SLC35F4: variants seen among roughly 807,000 people sequenced by gnomAD.
SLC35F4 encodes the protein chromosome 14 open reading frame 36.
Under a neutral mutation model 44.2 loss-of-function variants are expected in SLC35F4, and 24 were observed. The observed-to-expected ratio is 0.54, with a 90% CI of 0.39 to 0.76. The LOEUF is 0.76. Among genes scored for constraint, SLC35F4 ranks in the 30% least tolerant of loss-of-function variants. SLC35F4 has a pLI of 0.00. For synonymous variants in SLC35F4, 238 were observed against 223.6 expected (o/e 1.06, Z -0.57); for missense variants, 562 against 586.1 (o/e 0.96, Z 0.42).
At chr14:57,842,995 C>A (rs980608654) in intron 1 of SLC35F4, among the ~76,000 whole-genome samples, 1 of 152,140 alleles carries the variant, frequency 6.6e-6, no homozygotes, top group Admixed American at 6.5e-5. Context: ...TTCCTGCCCT[C>A]GAACATCAGT....
intron 1 of SLC35F4, among the ~76,000 whole-genome samples, chr14:57,728,675 G>A (rs1413205452): frequency 2.0e-5 from 3 of 151,792 alleles, no homozygotes; most frequent in African/African-American, 7.3e-5. Flanking sequence ...GTCTCAGGGG[G>A]AAGTCTCAAA....
downstream of SLC35F4, among the ~76,000 whole-genome samples, chr14:57,972,555 A>AT (rs78755038): frequency 7.9e-5 from 12 of 152,306 alleles, no homozygotes; most frequent in Admixed American, 7.8e-4. Flanking sequence ...AAAAAAAAAA[A>AT]ACCTTAACAT....
chr14:57,900,572 T>C (rs1256341039), intron 1 of SLC35F4, among the ~76,000 whole-genome samples: 2 of 152,186 alleles, frequency 1.3e-5, no homozygotes, highest in African/African-American at 2.4e-5. Context: ...ACATTGAGCT[T>C]CACATTGGTT....
intron 3 of SLC35F4, among the ~76,000 whole-genome samples, chr14:57,583,867 G>C (rs189071518): frequency 6.6e-6 from 1 of 152,254 alleles, no homozygotes; most frequent in South Asian, 2.1e-4. Context: ...GCGAATAACA[G>C]TGGGTTTCTC....
At chr14:57,794,741 G>A (rs983992429) in intron 1 of SLC35F4, among the ~76,000 whole-genome samples, 2 of 151,812 alleles carry the variant, frequency 1.3e-5, no homozygotes, top group African/African-American at 2.4e-5. Flanking sequence ...TGCTTCTTTG[G>A]GTGTGTTCTA....
At chr14:57,904,283 A>G (rs987440655) in intron 1 of SLC35F4, among the ~76,000 whole-genome samples, 9 of 152,210 alleles carry the variant, frequency 5.9e-5, no homozygotes, top group African/African-American at 2.2e-4. Context: ...ACAACAACCA[A>G]AACAACCATA....
chr14:57,661,994 C>T (rs1227638346), intron 1 of SLC35F4, among the ~76,000 whole-genome samples: 1 of 152,154 alleles, frequency 6.6e-6, no homozygotes, highest in Admixed American at 6.6e-5. Context: ...CTGTGGTGAT[C>T]TGCAAAATGT....
chr14:57,975,175 C>A (rs1018644109), downstream of SLC35F4, among the ~76,000 whole-genome samples: 1 of 152,150 alleles, frequency 6.6e-6, no homozygotes, highest in Non-Finnish European at 1.5e-5. Flanking sequence ...TAACACTGAC[C>A]ACTTTTCTTG....
At chr14:57,608,291 T>C (rs750656131) in intron 1 of SLC35F4, among the ~76,000 whole-genome samples, 1 of 152,186 alleles carries the variant, frequency 6.6e-6, no homozygotes, top group Non-Finnish European at 1.5e-5. Flanking sequence ...ATAACACCTT[T>C]ACAGAGGTGA....
At chr14:57,673,791 T>C (rs1457579456) in intron 1 of SLC35F4, among the ~76,000 whole-genome samples, 1 of 151,974 alleles carries the variant, frequency 6.6e-6, no homozygotes, top group Non-Finnish European at 1.5e-5. Context: ...CAGTGAACAA[T>C]AACCATAAAC....
At chr14:57,872,910 A>G (rs1888324348) in intron 1 of SLC35F4, among the ~76,000 whole-genome samples, 1 of 152,144 alleles carries the variant, frequency 6.6e-6, no homozygotes. Context: ...TTAAGATGCC[A>G]ATTTTCCCAG....
At chr14:57,585,206 G>A (rs2069610142) in intron 3 of SLC35F4, among the ~76,000 whole-genome samples, 1 of 134,160 alleles carries the variant, frequency 7.5e-6, no homozygotes, top group African/African-American at 2.7e-5. Context: ...TATAGCTCAT[G>A]CCTATAATCC....
chr14:57,575,445 C>G (rs968987859), intron 4 of SLC35F4, among the ~76,000 whole-genome samples: 1 of 152,128 alleles, frequency 6.6e-6, no homozygotes, highest in African/African-American at 2.4e-5. Context: ...CACATCACTG[C>G]ACTCCAGCCT....
intron 1 of SLC35F4, among the ~76,000 whole-genome samples, chr14:57,623,923 T>A (rs1026332641): frequency 1.3e-5 from 2 of 152,072 alleles, no homozygotes; most frequent in African/African-American, 2.4e-5. Flanking sequence ...ATGCAAAAGC[T>A]AGCAGAAGAC....
At chr14:57,765,118 A>G (rs2077205663) in intron 1 of SLC35F4, among the ~76,000 whole-genome samples, 1 of 152,258 alleles carries the variant, frequency 6.6e-6, no homozygotes, top group African/African-American at 2.4e-5. Context: ...ATGATTATAA[A>G]TGGAGCACAC....
At chr14:57,944,074 C>T (rs1037257737) in intron 1 of SLC35F4, among the ~76,000 whole-genome samples, 41 of 150,506 alleles carry the variant, frequency 2.7e-4, no homozygotes, top group African/African-American at 8.8e-4. Context: ...GTCCTCCACA[C>T]GAGCTCCACA....
intron 1 of SLC35F4, among the ~76,000 whole-genome samples, chr14:57,657,471 G>A (rs1797208490): frequency 6.6e-6 from 1 of 151,986 alleles, no homozygotes; most frequent in African/African-American, 2.4e-5. Context: ...TTTATTTCTG[G>A]CATGACATAA....
intron 1 of SLC35F4, among the ~76,000 whole-genome samples, chr14:57,782,820 A>G (rs1457256360): frequency 6.6e-6 from 1 of 152,220 alleles, no homozygotes; most frequent in Non-Finnish European, 1.5e-5. Context: ...GAACCATATA[A>G]AGTGCCACTA....
chr14:57,667,245 C>T (rs888418415), intron 1 of SLC35F4, among the ~76,000 whole-genome samples: 2 of 151,902 alleles, frequency 1.3e-5, no homozygotes, highest in Non-Finnish European at 2.9e-5. Flanking sequence ...ACATGTTCTG[C>T]TGGGTCACAC....
Sources: allele counts gnomAD v4.1 joint callset (sites outside exome capture counted in the v4.1 genomes callset), GRCh38; gene constraint gnomAD v4.1.1; transcripts MANE v1.5; gene names NCBI Gene and HGNC (gene_info 2026-07-23, HGNC 2026-07-21).